PLXDC2: variants seen among roughly 807,000 people sequenced by gnomAD.
PLXDC2 encodes plexin domain containing 2, also known as plexin domain-containing protein 2.
PLXDC2 carries 40 observed loss-of-function variants against 68.9 expected under a neutral mutation model. The ratio of observed to expected loss-of-function variants is 0.58; its 90% CI spans 0.45 to 0.76. PLXDC2 has a LOEUF of 0.76. PLXDC2 is among the 30% of genes least tolerant of loss of function. PLXDC2 has a pLI of 0.00. For synonymous variants in PLXDC2, 243 were observed against 234.2 expected, an observed-to-expected ratio of 1.04 and a Z score of -0.34; for missense variants, 644 against 661.9, an observed-to-expected ratio of 0.97 and a Z score of 0.30.
chr10:19,886,150 CTG>C (rs964057626), intron 1 of PLXDC2, among the ~76,000 whole-genome samples: 3 of 152,064 alleles, frequency 2.0e-5, no homozygotes, highest in African/African-American at 7.2e-5. Flanking sequence ...ATTTGGCTCT[CTG>C]TGTGTCTGTT....
chr10:19,883,452 T>C (rs1328116808), intron 1 of PLXDC2, among the ~76,000 whole-genome samples: 1 of 152,174 alleles, frequency 6.6e-6, no homozygotes, highest in Non-Finnish European at 1.5e-5. Context: ...TAGCATGAAA[T>C]TCAAAACTGA....
chr10:20,081,803 G>A (rs1836563806), intron 4 of PLXDC2, among the ~76,000 whole-genome samples: 1 of 151,912 alleles, frequency 6.6e-6, no homozygotes, highest in South Asian at 2.1e-4. Context: ...CACTTTGGGA[G>A]GTGAAGGTGG....
intron 2 of PLXDC2, among the ~76,000 whole-genome samples, chr10:20,032,200 T>G (rs1009333263): frequency 6.6e-6 from 1 of 152,104 alleles, no homozygotes; most frequent in Non-Finnish European, 1.5e-5. Flanking sequence ...TAAAGGAACT[T>G]AGAACAATTA....
intron 12 of PLXDC2, among the ~76,000 whole-genome samples, chr10:20,242,688 G>A (rs1262785504): frequency 6.6e-6 from 1 of 152,080 alleles, no homozygotes; most frequent in African/African-American, 2.4e-5. Flanking sequence ...CAAAGACATA[G>A]CCTCTGTCAT....
chr10:19,929,305 C>G (rs995673483), intron 1 of PLXDC2, among the ~76,000 whole-genome samples: 58 of 152,156 alleles, frequency 3.8e-4, no homozygotes, highest in Admixed American at 7.8e-4. Flanking sequence ...CAAATGGGAC[C>G]AGAGAGACCC....
At chr10:20,123,298 G>A (rs1434730506) in intron 4 of PLXDC2, among the ~76,000 whole-genome samples, 1 of 152,108 alleles carries the variant, frequency 6.6e-6, no homozygotes, top group Non-Finnish European at 1.5e-5. Flanking sequence ...GGTTGGGACT[G>A]AGGGGACAGA....
chr10:19,992,052 T>G (rs1343947724), intron 1 of PLXDC2, among the ~76,000 whole-genome samples: 2 of 152,188 alleles, frequency 1.3e-5, no homozygotes, highest in Non-Finnish European at 2.9e-5. Flanking sequence ...TGTGAAAGTG[T>G]TTTACCAAGT....
intron 4 of PLXDC2, chr10:20,071,338 G>A (rs1009754995): frequency 6.6e-6 from 1 of 152,154 alleles, no homozygotes; most frequent in African/African-American, 2.4e-5. Flanking sequence ...AAAGAGGAAG[G>A]GGTGTTGATA....
chr10:19,850,300 A>C (rs1258117168), intron 1 of PLXDC2, among the ~76,000 whole-genome samples: 2 of 150,848 alleles, frequency 1.3e-5, no homozygotes, highest in Non-Finnish European at 2.9e-5. Flanking sequence ...TTTTAGATAC[A>C]CACACATTTT....
intron 3 of PLXDC2, among the ~76,000 whole-genome samples, chr10:20,065,420 G>C (rs1227685178): frequency 1.3e-5 from 2 of 152,090 alleles, no homozygotes; most frequent in Non-Finnish European, 2.9e-5. Context: ...TGATATGCTA[G>C]GTAATATAGA....
intron 12 of PLXDC2, among the ~76,000 whole-genome samples, chr10:20,237,851 A>G (rs1031832899): frequency 2.6e-5 from 4 of 152,198 alleles, no homozygotes; most frequent in African/African-American, 4.8e-5. Flanking sequence ...TATGGGCTGC[A>G]GTGTTTCATT....
chr10:20,116,262 T>TC (rs984671493), intron 4 of PLXDC2, among the ~76,000 whole-genome samples: 9 of 151,968 alleles, frequency 5.9e-5, no homozygotes, highest in East Asian at 3.9e-4. Context: ...AGATTCTTTT[T>TC]CCCCCCCGGA....
chr10:19,826,334 G>A (rs908656939), intron 1 of PLXDC2, among the ~76,000 whole-genome samples: 1 of 151,886 alleles, frequency 6.6e-6, no homozygotes, highest in Non-Finnish European at 1.5e-5. Context: ...TGAATTTTTT[G>A]TTGTTGTCAT....
chr10:20,121,915 C>T (rs1833702302), intron 4 of PLXDC2, among the ~76,000 whole-genome samples: 1 of 152,070 alleles, frequency 6.6e-6, no homozygotes, highest in Non-Finnish European at 1.5e-5. Context: ...ATATTGGCAT[C>T]AATCGGGGTA....
At chr10:20,165,435 C>G (rs942097455) in intron 7 of PLXDC2, among the ~76,000 whole-genome samples, 1 of 152,050 alleles carries the variant, frequency 6.6e-6, no homozygotes, top group Non-Finnish European at 1.5e-5. Context: ...CCTTTCCCCC[C>G]ACCCCACAAC....
intron 1 of PLXDC2, among the ~76,000 whole-genome samples, chr10:19,851,112 A>G (rs1837109520): frequency 6.6e-6 from 1 of 152,178 alleles, no homozygotes; most frequent in Admixed American, 6.5e-5. Context: ...ATAAATAGTG[A>G]TGTCTTCACA....
At chr10:19,829,408 T>G (rs1201010584) in intron 1 of PLXDC2, among the ~76,000 whole-genome samples, 2 of 152,172 alleles carry the variant, frequency 1.3e-5, no homozygotes, top group African/African-American at 4.8e-5. Context: ...TTATCACTCA[T>G]GCAAAGAGTT....
At chr10:19,908,061 TA>T (rs1169980932) in intron 1 of PLXDC2, among the ~76,000 whole-genome samples, 1 of 152,114 alleles carries the variant, frequency 6.6e-6, no homozygotes, top group Non-Finnish European at 1.5e-5. Context: ...ATGAAACAAT[TA>T]AAAAATAGTT....
At chr10:19,934,226 C>A (rs938448135) in intron 1 of PLXDC2, among the ~76,000 whole-genome samples, 1 of 152,166 alleles carries the variant, frequency 6.6e-6, no homozygotes, top group Non-Finnish European at 1.5e-5. Context: ...ATTTCTAATA[C>A]CTTTATTAAT....
Sources: gnomAD v4.1 joint callset for allele counts (sites outside exome capture counted in the v4.1 genomes callset) on GRCh38, gnomAD v4.1.1 for gene constraint, MANE v1.5 for transcripts, NCBI Gene and HGNC (gene_info 2026-07-23, HGNC 2026-07-21) for gene names.